GLB1L3: variants seen among roughly 807,000 people sequenced by gnomAD.
GLB1L3 encodes the protein galactosidase beta 1 like 3.
In GLB1L3, 89 loss-of-function variants were observed where a neutral mutation model predicts 89.5. That is an observed-to-expected ratio of 0.99 (90% CI 0.84 to 1.19). GLB1L3 has a LOEUF of 1.19. Ranked by LOEUF, GLB1L3 falls within the 50% of genes most tolerant of loss-of-function variation. The pLI is 0.00. For missense variants in GLB1L3, 812 were observed against 813.3 expected, an observed-to-expected ratio of 1.00 and a Z score of 0.02; for synonymous variants, 314 against 312.3, an observed-to-expected ratio of 1.01 and a Z score of -0.06.
chr11:134,308,667 C>CCACCACCAA (rs1428940959), intron 10 of GLB1L3, among the ~76,000 whole-genome samples: 3 of 149,758 alleles, frequency 2.0e-5, no homozygotes, highest in East Asian at 2.0e-4. Context: ...ACCACCACCA[C>CCACCACCAA]CACCACCAAC....
intron 7 of GLB1L3, among the ~76,000 whole-genome samples, chr11:134,291,232 G>T (rs1447471160): frequency 6.6e-6 from 1 of 151,220 alleles, no homozygotes; most frequent in Non-Finnish European, 1.5e-5. Flanking sequence ...ACATAAAATT[G>T]TGTGGCACTT....
chr11:134,311,171 G>T lies in GLB1L3; in HGVS notation c.1287+1G>T, dbSNP rs540126436. ...GGACGCCCTATCCTACTTAAATGAGGTGCGTGCTGCCTGGCCACAGGAGGC... is the reference window on the plus strand; with the variant it reads ...GGACGCCCTATCCTACTTAAATGAGTTGCGTGCTGCCTGGCCACAGGAGGC... On this transcript the variant is annotated splice_donor_variant, in intron 13 of 19. Transcript: ENST00000431683. LOFTEE classifies it high-confidence loss of function. 2 of 1,610,748 alleles carry T rather than the reference G, an allele frequency of 1.2e-6. No individual in the cohort carries two copies. The highest frequency in any genetic ancestry group is 2.7e-5 in the African/African-American group (2 of 74,980).
downstream of GLB1L3, among the ~76,000 whole-genome samples, chr11:134,321,952 G>A (rs542308971): frequency 6.6e-6 from 1 of 151,812 alleles, no homozygotes; most frequent in East Asian, 1.9e-4. Context: ...CACATATTAA[G>A]ACAGTAGAAT....
chr11:134,304,166 C>T (rs1311610225), intron 9 of GLB1L3, among the ~76,000 whole-genome samples: 1 of 152,122 alleles, frequency 6.6e-6, no homozygotes, highest in Admixed American at 6.5e-5. Flanking sequence ...CAGCTAAATT[C>T]ATTAAACCTT....
chr11:134,314,527 G>A (rs1722524028), intron 18 of GLB1L3, 86 bp downstream of exon 18: 1 of 819,022 alleles, frequency 1.2e-6, no homozygotes, highest in Admixed American at 2.2e-5. Flanking sequence ...GTTCCTGGAG[G>A]AATACTTCCC....
chr11:134,277,088 A>G lies in GLB1L3; in HGVS notation c.24-238A>G, dbSNP rs958077682. 1.1e-4 allele frequency: 65 copies of G among 609,614 alleles called. No individual in the cohort carries two copies. The East Asian group carries it at 1.7e-3, about 16-fold the overall frequency. 37.8% of individuals were successfully genotyped at this position (609,614 alleles called of 1,614,324 possible). The stretch of plus-strand genomic sequence containing the variant: ...TCCCAGGCACCCACCGGCACTGCCC[A>G]GCCCTGTCTGGAGGGTCTAGGACTG... On this transcript the variant is annotated intron_variant, in intron 1 of 19. Coordinates refer to ENST00000431683, the MANE Select transcript of GLB1L3 (RefSeq NM_001080407.3).
chr11:134,300,743 C>T (rs904405214), intron 9 of GLB1L3, among the ~76,000 whole-genome samples: 36 of 152,274 alleles, frequency 2.4e-4, no homozygotes, highest in African/African-American at 1.7e-4. Context: ...GTCTTTCTGC[C>T]GTGAACACGA....
intron 19 of GLB1L3, 63 bp downstream of exon 19, chr11:134,318,810 G>T (rs961684186): frequency 6.5e-7 from 1 of 1,540,246 alleles, no homozygotes; most frequent in African/African-American, 1.4e-5. Flanking sequence ...GTGAGTTGCA[G>T]TGTCTTTTTC....
rs2136239074 is a variant in GLB1L3 at position 134,318,620 on chromosome 11, A to G, written c.1780-11A>G. The stretch of plus-strand genomic sequence containing the variant: ...ACCAATTTCCAAATCTCAAGCCACC[A>G]TTCCTTTCAGAACTGGAATTATGGA... On this transcript the variant is annotated splice_polypyrimidine_tract_variant and intron_variant, in intron 18 of 19. Transcript: ENST00000431683. 6.5e-7 allele frequency: 1 copy of G among 1,550,000 alleles called. No individual in the cohort carries two copies. Among genetic ancestry groups the G allele is most frequent in the Non-Finnish European group, 8.9e-7 (1 of 1,124,844 alleles).
At chr11:134,319,718 C>CTCTCTG, downstream of GLB1L3, among the ~76,000 whole-genome samples, 1 of 124,572 alleles carries the variant, frequency 8.0e-6, no homozygotes, top group African/African-American at 3.1e-5. Context: ...CTCTCTCTCT[C>CTCTCTG]TGTGTATGTG....
At chr11:134,300,021 GCTCT>G (rs1217615354) in intron 9 of GLB1L3, among the ~76,000 whole-genome samples, 1 of 152,122 alleles carries the variant, frequency 6.6e-6, no homozygotes, top group Non-Finnish European at 1.5e-5. Context: ...AGTGGCGGTG[GCTCT>G]CTCCCCTCAG....
intron 9 of GLB1L3, among the ~76,000 whole-genome samples, chr11:134,302,437 A>G (rs937241625): frequency 1.3e-5 from 2 of 152,178 alleles, no homozygotes; most frequent in African/African-American, 4.8e-5. Context: ...AGTTGATAAC[A>G]ACATTCACAA....
chr11:134,300,357 T>G (rs1254565142), intron 9 of GLB1L3, among the ~76,000 whole-genome samples: 19 of 147,182 alleles, frequency 1.3e-4, no homozygotes. Context: ...TTTTGAGACA[T>G]AGTCTTGCTC....
intron 14 of GLB1L3, 139 bp downstream of exon 14, chr11:134,312,628 C>A: frequency 1.7e-6 from 2 of 1,158,894 alleles, no homozygotes; most frequent in Non-Finnish European, 2.4e-6. Context: ...AAAGTCAGGC[C>A]AAATAGACTT....
At chr11:134,292,915 GCA>G (rs1941436618) in intron 8 of GLB1L3, 2 of 603,058 alleles carry the variant, frequency 3.3e-6, no homozygotes, top group South Asian at 1.9e-5. Context: ...TCACTTCTCT[GCA>G]CAGAGTGTGG....
intron 6 of GLB1L3, 33 bp downstream of exon 6, chr11:134,283,878 C>T (rs574337721): frequency 3.4e-5 from 43 of 1,269,902 alleles, no homozygotes; most frequent in Admixed American, 3.0e-4. Flanking sequence ...ATCTTTCTTA[C>T]GTGCCCTTTA....
At position 134,311,128 on chromosome 11, in the gene GLB1L3, G is replaced by A. The variant is rs777228821; in HGVS notation, c.1245G>A (p.Ser415=). 15 of 1,613,842 alleles carry A rather than the reference G, an allele frequency of 9.3e-6. No homozygotes were observed. The Admixed American group carries it at 1.7e-4, about 18-fold the overall frequency. The change falls in exon 13 of 20, where the codon TCG becomes TCA. Residue 415 remains serine, a synonymous_variant. Coordinates refer to ENST00000431683, the MANE Select transcript of GLB1L3 (RefSeq NM_001080407.3). ...PKAVYPPVRP[S]LYLPLWDALS... is the part of the protein sequence containing the mutation. The stretch of plus-strand genomic sequence containing the variant: ...CTGTGTATCCCCCCGTGAGACCGTC[G>A]CTGTACCTCCCGCTGTGGGACGCCC...
intron 10 of GLB1L3, among the ~76,000 whole-genome samples, chr11:134,308,244 T>TCACCAC (rs1565412657): frequency 2.0e-4 from 4 of 19,806 alleles, no homozygotes; most frequent in African/African-American, 5.4e-4. Flanking sequence ...ACCATCACCA[T>TCACCAC]CACCACCATC....
In GLB1L3 at chr11:134,282,042, C is replaced by T. The variant is rs763153762; in HGVS notation, c.449C>T (p.Ala150Val). The change falls in exon 5 of 20, where the codon GCC becomes GTC. Residue 150 changes from alanine (A) to valine (V), a missense_variant. This residue lies in a region of GLB1L3 where 191 missense variants were observed against 191.4 expected (regional missense o/e 1.00). Coordinates refer to ENST00000431683, the MANE Select transcript of GLB1L3 (RefSeq NM_001080407.3). ...NLDLEAFVLM[A>V]AEIGLWVILR... The stretch of plus-strand genomic sequence containing the variant: ...CTCCCTAGGGCCTTCGTCCTGATGG[C>T]CGCAGAGATCGGGCTGTGGGTGATT... 8.9e-6 allele frequency: 14 copies of T among 1,569,950 alleles called. No homozygotes were observed. In the East Asian group the frequency reaches 1.8e-4, roughly 21 times the overall value.
Sources: gnomAD v4.1 joint callset for allele counts (sites outside exome capture counted in the v4.1 genomes callset) on GRCh38, gnomAD v4.1.1 for gene constraint, gnomAD v4.1.1 regional missense constraint, MANE v1.5 for transcripts, NCBI Gene and HGNC (gene_info 2026-07-23, HGNC 2026-07-21) for gene names.